The following CAPN15 variants were observed in gnomAD, a reference collection of about 807,000 sequenced individuals.
The protein encoded by CAPN15 is calpain-15.
CAPN15 carries 53 observed loss-of-function variants against 97.9 expected under a neutral mutation model. That is an observed-to-expected ratio of 0.54 (90% CI 0.43 to 0.68). The LOEUF (loss-of-function observed/expected upper bound fraction) is 0.68, where lower values mean the gene tolerates loss of function less well. CAPN15 is among the 30% of genes least tolerant of loss of function. The pLI, the probability that CAPN15 is intolerant of heterozygous loss-of-function variation, is 0.00. For synonymous variants in CAPN15, 922 were observed against 722.5 expected (o/e 1.28, Z -4.43); for missense variants, 1,592 against 1,589.8 (o/e 1.00, Z -0.02).
chr16:538,799 G>A (rs2033902035), intron 3 of CAPN15: 1 of 152,156 alleles, frequency 6.6e-6, no homozygotes, highest in South Asian at 2.1e-4. Context: ...TCAGAGCACT[G>A]ACTGGAAAGG....
intron 4 of CAPN15, among the ~76,000 whole-genome samples, chr16:548,630 T>C (rs59164969): frequency 0.081 from 12,272 of 152,310 alleles, 1,658 homozygotes; most frequent in African/African-American, 0.28. Context: ...GAGGTCGGGA[T>C]GTACCCGTGC....
chr16:551,377 C>T lies in CAPN15; in HGVS notation c.2142C>T (p.Arg714=), dbSNP rs1272341493. 3 of 1,610,136 alleles carry T rather than the reference C, an allele frequency of 1.9e-6. No homozygotes were observed. The highest frequency in any genetic ancestry group is 1.3e-5 in the African/African-American group (1 of 74,888). ...DDSAYESLGL[R]PRHAYSILDV... is the part of the protein sequence containing the mutation. ...CGGCCTACGAGAGCCTGGGCCTGCG[C>T]CCCCGGCATGCCTACTCCATCCTGG... Residue 714 remains arginine (R), a synonymous_variant, in exon 8 of 14, where the codon CGC becomes CGT. Coordinates refer to ENST00000219611, the MANE Select transcript of CAPN15 (RefSeq NM_005632.3).
chr16:550,717 T>G (rs34292261), intron 7 of CAPN15, among the ~76,000 whole-genome samples: 123 of 90,704 alleles, frequency 1.4e-3, no homozygotes, highest in Admixed American at 2.1e-3. Context: ...GAGGGTCCCC[T>G]GTCGGTGAGG....
chr16:544,179 G>C (rs1043170685), intron 3 of CAPN15, among the ~76,000 whole-genome samples: 3 of 152,306 alleles, frequency 2.0e-5, no homozygotes, highest in Non-Finnish European at 4.4e-5. Flanking sequence ...GCTCGAGGGA[G>C]GCACCACGCC....
intron 2 of CAPN15, among the ~76,000 whole-genome samples, chr16:534,535 C>T (rs545853055): frequency 1.1e-4 from 16 of 152,306 alleles, no homozygotes; most frequent in African/African-American, 3.4e-4. Context: ...GCCCTCCCAC[C>T]CGACTCATGC....
intron 2 of CAPN15, 94 bp downstream of exon 2, chr16:534,092 G>A (rs1442194213): frequency 1.1e-5 from 5 of 475,352 alleles, no homozygotes; most frequent in Non-Finnish European, 1.2e-5. Context: ...CCCACGGCTG[G>A]GGGGCCTCTC....
At chr16:540,858 G>C (rs751651618) in intron 3 of CAPN15, among the ~76,000 whole-genome samples, 9 of 152,204 alleles carry the variant, frequency 5.9e-5, no homozygotes, top group Non-Finnish European at 1.2e-4. Flanking sequence ...CTCAGGAGCT[G>C]CCATCAGGTT....
At chr16:528,420 G>C (rs1356222475) in intron 1 of CAPN15, among the ~76,000 whole-genome samples, 3 of 152,240 alleles carry the variant, frequency 2.0e-5, no homozygotes, top group Non-Finnish European at 4.4e-5. Context: ...GGCCGCCTTA[G>C]GGATGTTGTG....
Position 551,607 on chromosome 16 carries a change from T to A in CAPN15, c.2288T>A (p.Leu763His). ...TGGCCGGGGCACCTGCGTGGCGAGC[T>A]CATGCCGCACGGCAGCAGTGAGGGT... is the stretch of plus-strand genomic sequence containing the variant. The part of the protein sequence containing the change: ...PHWPGHLRGE[L>H]MPHGSSEGVF... Residue 763 changes from leucine (L) to histidine (H), a missense_variant, in exon 9 of 14, where the codon CTC becomes CAC. Leu to His is a moderately conservative substitution (Grantham distance 99). Coordinates refer to ENST00000219611, the MANE Select transcript of CAPN15 (RefSeq NM_005632.3). The A allele has an allele frequency of 6.2e-7, 1 of 1,607,742 alleles. No homozygotes were observed. Among genetic ancestry groups the A allele is most frequent in the Non-Finnish European group, 8.5e-7 (1 of 1,178,704 alleles).
intron 3 of CAPN15, chr16:539,280 C>T: frequency 6.6e-6 from 1 of 152,286 alleles, no homozygotes; most frequent in Non-Finnish European, 1.5e-5. Flanking sequence ...GCTGGTCAAC[C>T]CACAGCCGGC....
rs9930550 is a variant in CAPN15, at chr16:552,313, C to A, written c.2520C>A (p.Ala840=). The A allele has an allele frequency of 0.42, 663,252 of 1,564,400 alleles. 151,368 individuals carry two copies. Among genetic ancestry groups the A allele is most frequent in the East Asian group, 0.76 (32,219 of 42,436 alleles). Residue 840 remains alanine, a synonymous_variant, in exon 11 of 14, where the codon GCC becomes GCA. Transcript: ENST00000219611. This position sits in a 1 kb window ranked among gnomAD's most constrained non-coding sequence, Gnocchi z 6.4. ...LFQEGSRRSD[A]VDSHLLDLCI... is the part of the protein sequence containing the mutation. ...GTGTCTGGCGCAGGCGCTCGGACGCCGTGGACAGCCACCTGCTGGACCTGT... is the reference window on the plus strand; with the variant it reads ...GTGTCTGGCGCAGGCGCTCGGACGCAGTGGACAGCCACCTGCTGGACCTGT...
chr16:540,298 G>A (rs985519216), intron 3 of CAPN15: 16 of 985,326 alleles, frequency 1.6e-5, no homozygotes, highest in South Asian at 4.7e-5. Flanking sequence ...GTGTAGGAGC[G>A]GCCCAGGGGG....
intron 4 of CAPN15, among the ~76,000 whole-genome samples, chr16:548,711 G>A (rs1330004813): frequency 6.6e-6 from 1 of 152,248 alleles, no homozygotes; most frequent in Admixed American, 6.5e-5. Context: ...CTCCCCAGCA[G>A]GGCCAGGGCC....
Position 527,728 on chromosome 16 carries a change from A to C in CAPN15, c.-491A>C, listed in dbSNP as rs2032946407. The stretch of plus-strand genomic sequence containing the variant: ...GTGGGAGCCGTAGTCCGGGCGCGCG[A>C]TTCACAGCGCCGCGTGCGCCCCGGG... On this transcript the variant is annotated 5_prime_UTR_variant, in exon 1 of 14. Coordinates refer to ENST00000219611, the MANE Select transcript of CAPN15 (RefSeq NM_005632.3). The C allele has an allele frequency of 6.6e-6, 1 of 150,380 alleles. No individual in the cohort carries two copies. Among genetic ancestry groups the C allele is most frequent in the South Asian group, 2.1e-4 (1 of 4,808 alleles). 9.3% of individuals were successfully genotyped at this position (150,380 alleles called of 1,614,324 possible). A position where few individuals can be genotyped will look rare whatever the true frequency, so the allele number is the denominator to read the frequency against.
chr16:533,261 G>A (rs1400967834), intron 1 of CAPN15, among the ~76,000 whole-genome samples: 1 of 152,292 alleles, frequency 6.6e-6, no homozygotes, highest in Middle Eastern at 3.4e-3. Context: ...AAAAAAGAGG[G>A]TGATGGCTGA....
Position 535,836 on chromosome 16 carries a change from C to T in CAPN15, c.-136-193C>T, listed in dbSNP as rs140928636. 3.9e-5 allele frequency among the ~76,000 whole-genome samples: 6 copies of T among 152,140 alleles called. No individual in the cohort carries two copies. The highest frequency in any genetic ancestry group is 1.9e-4 in the East Asian group (1 of 5,198). Reference sequence around the variant, plus strand: ...AGGCCCGGGGGGCACATGCAGCTCACGGGAGCAGCACAGATGCTTGGCCGG... The same window carrying T: ...AGGCCCGGGGGGCACATGCAGCTCATGGGAGCAGCACAGATGCTTGGCCGG... On this transcript the variant is annotated intron_variant, in intron 2 of 13. Coordinates refer to ENST00000219611, the MANE Select transcript of CAPN15 (RefSeq NM_005632.3). This position sits in a 1 kb window ranked among gnomAD's most constrained non-coding sequence, Gnocchi z 6.2.
At position 534,011 on chromosome 16, in the gene CAPN15, C is replaced by T. The variant is rs1288506409; in HGVS notation, c.-137+13C>T. The stretch of plus-strand genomic sequence containing the variant: ...GCTGCAGCTTCAGGTGAGTTTGTTC[C>T]CAAGCCCTGCGGCTCGTTTATGGGT... On this transcript the variant is annotated intron_variant, in intron 2 of 13. Coordinates refer to ENST00000219611, the MANE Select transcript of CAPN15 (RefSeq NM_005632.3). 1 of 984,846 alleles carries T rather than the reference C, an allele frequency of 1.0e-6. No individual in the cohort carries two copies. Among genetic ancestry groups the T allele is most frequent in the Non-Finnish European group, 1.2e-6 (1 of 829,352 alleles). The allele number at this position is 984,846 out of a possible 1,614,324, so 61.0% of individuals were successfully genotyped here.
chr16:544,308 T>C (rs911923845), intron 3 of CAPN15, among the ~76,000 whole-genome samples: 4 of 151,350 alleles, frequency 2.6e-5, no homozygotes, highest in African/African-American at 9.7e-5. Flanking sequence ...GGGCACAGGT[T>C]GCGGGGCTGC....
Position 540,712 on chromosome 16 carries a change from G to A in CAPN15, c.-23+4570G>A, listed in dbSNP as rs960444947. ...TCTGGGCATATTGCCTGCTGCCCAC[G>A]GTTTCAAAGCTGCCAGCACTCGCTG... is the stretch of plus-strand genomic sequence containing the variant. On this transcript the variant is annotated intron_variant, in intron 3 of 13. Transcript: ENST00000219611. 5.3e-5 allele frequency among the ~76,000 whole-genome samples: 8 copies of A among 152,300 alleles called. 1 individual carries two copies. The highest frequency in any genetic ancestry group is 1.9e-4 in the African/African-American group (8 of 41,576).
Sources: gnomAD v4.1 joint callset for allele counts (sites outside exome capture counted in the v4.1 genomes callset) on GRCh38, gnomAD v4.1.1 for gene constraint, Gnocchi (gnomAD v3.1) non-coding constraint, MANE v1.5 for transcripts, NCBI Gene and HGNC (gene_info 2026-07-23, HGNC 2026-07-21) for gene names.